The following HOXD13 variants were observed in gnomAD, a reference collection of about 807,000 sequenced individuals.
HOXD13 encodes the protein homeobox D13, also known as homeobox protein Hox-D13.
HOXD13 carries 16 observed loss-of-function variants against 27.3 expected under a neutral mutation model. That is an observed-to-expected ratio of 0.59 (90% CI 0.40 to 0.89). HOXD13 has a LOEUF of 0.89. Among genes scored for constraint, HOXD13 ranks in the 40% least tolerant of loss-of-function variants. The pLI is 0.00. For synonymous variants in HOXD13, 241 were observed against 219.0 expected (o/e 1.10, Z -0.89); for missense variants, 481 against 482.6 (o/e 1.00, Z 0.03).
At position 176,093,141 on chromosome 2, in the gene HOXD13, G is replaced by A. The variant is rs1689351758; in HGVS notation, c.251G>A (p.Gly84Asp). The A allele has an allele frequency of 1.2e-6, 2 of 1,605,638 alleles. No homozygotes were observed. Among genetic ancestry groups the A allele is most frequent in the East Asian group, 4.5e-5 (2 of 44,808 alleles). Reference sequence around the variant, plus strand: ...TACCCCGGGACCTCTGAGCGCACGGGCTCTTCCTCGTCGTCGTCCTCTTCT... The same window carrying A: ...TACCCCGGGACCTCTGAGCGCACGGACTCTTCCTCGTCGTCGTCCTCTTCT... ...FAYPGTSERT[G>D]SSSSSSSSAV... Residue 84 changes from glycine (G) to aspartate (D), a missense_variant, in exon 1 of 2, where the codon GGC becomes GAC. Gly to Asp is a moderately conservative substitution (Grantham distance 94). Transcript: ENST00000392539.
Position 176,092,931 on chromosome 2 carries a change from C to A in HOXD13, c.41C>A (p.Ala14Glu), listed in dbSNP as rs555136684. Residue 14 changes from alanine to glutamate, a missense_variant, in exon 1 of 2, where the codon GCA becomes GAA. Transcript: ENST00000392539. The stretch of plus-strand genomic sequence containing the variant: ...AGCTGGGACATGGACGGGCTGCGGG[C>A]AGACGGCGGGGGCGCCGGTGGCGCC... ...AGSWDMDGLR[A>E]DGGGAGGAPA... 3 of 1,332,590 alleles carry A rather than the reference C, an allele frequency of 2.3e-6. No homozygotes were observed. Among genetic ancestry groups the A allele is most frequent in the Non-Finnish European group, 2.9e-6 (3 of 1,044,750 alleles). 82.5% of individuals were successfully genotyped at this position (1,332,590 alleles called of 1,614,324 possible).
upstream of HOXD13, among the ~76,000 whole-genome samples, chr2:176,091,767 G>T (rs959811684): frequency 3.9e-5 from 6 of 152,130 alleles, no homozygotes; most frequent in Non-Finnish European, 8.8e-5. Flanking sequence ...AATTAATTTG[G>T]TGTGAGAAAC....
upstream of HOXD13, among the ~76,000 whole-genome samples, chr2:176,090,326 G>A (rs967165179): frequency 6.6e-6 from 1 of 152,234 alleles, no homozygotes; most frequent in Non-Finnish European, 1.5e-5. Context: ...GATGGACAGA[G>A]AAAACTTTTG....
chr2:176,092,283 A>G (rs888343098), upstream of HOXD13, among the ~76,000 whole-genome samples: 2 of 152,254 alleles, frequency 1.3e-5, no homozygotes, highest in Non-Finnish European at 2.9e-5. Flanking sequence ...TTTTCACATC[A>G]TTCTGATCAT....
upstream of HOXD13, among the ~76,000 whole-genome samples, chr2:176,092,048 T>A (rs1689327865): frequency 6.6e-6 from 1 of 152,160 alleles, no homozygotes; most frequent in Non-Finnish European, 1.5e-5. Flanking sequence ...ATGCCTGTCT[T>A]TCATCTGTTT....
chr2:176,093,774 C>T, intron 1 of HOXD13, 103 bp downstream of exon 1: 1 of 753,790 alleles, frequency 1.3e-6, no homozygotes, highest in Non-Finnish European at 2.2e-6. Flanking sequence ...GGGAGTTGTG[C>T]CTGTGCTCCA....
rs751640729 is a variant in HOXD13, at chr2:176,094,591, A to G, written c.893A>G (p.Asn298Ser). Reference protein sequence around the residue: ...LKELENEYAINKFINKDKRRR... With the variant: ...LKELENEYAISKFINKDKRRR... Reference sequence around the variant, plus strand: ...GAACTGGAGAACGAGTATGCCATTAACAAATTCATTAACAAGGACAAGCGG... The same window carrying G: ...GAACTGGAGAACGAGTATGCCATTAGCAAATTCATTAACAAGGACAAGCGG... The change falls in exon 2 of 2, where the codon AAC becomes AGC. Residue 298 changes from asparagine to serine, a missense_variant. Physicochemically the swap from Asn to Ser is conservative, Grantham distance 46. Transcript: ENST00000392539. 2 of 1,614,180 alleles carry G rather than the reference A, an allele frequency of 1.2e-6. No individual in the cohort carries two copies. The highest frequency in any genetic ancestry group is 1.7e-6 in the Non-Finnish European group (2 of 1,180,022).
upstream of HOXD13, among the ~76,000 whole-genome samples, chr2:176,089,524 A>T (rs1281872722): frequency 6.6e-6 from 1 of 152,170 alleles, no homozygotes; most frequent in Non-Finnish European, 1.5e-5. Flanking sequence ...GCCACTGATT[A>T]TGTGGTTAAT....
upstream of HOXD13, among the ~76,000 whole-genome samples, chr2:176,088,564 C>A (rs560633989): frequency 1.6e-4 from 25 of 152,074 alleles, no homozygotes; most frequent in East Asian, 7.8e-4. Flanking sequence ...TCGGCTCCCC[C>A]CTTCGTGCTT....
chr2:176,094,957 T>G lies in HOXD13; in HGVS notation c.*227T>G, dbSNP rs1402226581. ...GTTTATTATTGGTTTTGTTCTTGCC[T>G]AGGGTTTTTAAAATATCTGTTTTTA... is the stretch of plus-strand genomic sequence containing the variant. On this transcript the variant is annotated 3_prime_UTR_variant, in exon 2 of 2. Coordinates refer to ENST00000392539, the MANE Select transcript of HOXD13 (RefSeq NM_000523.4). 3.7e-6 allele frequency: 2 copies of G among 547,654 alleles called. No homozygotes were observed. The highest frequency in any genetic ancestry group is 6.5e-6 in the Non-Finnish European group (2 of 305,762). 33.9% of individuals were successfully genotyped at this position (547,654 alleles called of 1,614,324 possible).
In HOXD13 at chr2:176,093,093, C is replaced by CT. The variant is rs771082552; in HGVS notation, c.203_204insT (p.Ala69GlyfsTer13). 7.0e-7 allele frequency: 1 copy of CT among 1,427,834 alleles called. No individual in the cohort carries two copies. The highest frequency in any genetic ancestry group is 1.5e-5 in the African/African-American group (1 of 66,794). 88.4% of individuals were successfully genotyped at this position (1,427,834 alleles called of 1,614,324 possible). ...GCGGCAGCGGCGGCTGCGGCGGCGG[C>CT]GGCGGCAGCCTCCGGCTTTGCGTAC... On this transcript the variant is annotated frameshift_variant, in exon 1 of 2. Coordinates refer to ENST00000392539, the MANE Select transcript of HOXD13 (RefSeq NM_000523.4). LOFTEE classifies it high-confidence loss of function.
chr2:176,088,237 A>G (rs558357288), upstream of HOXD13, among the ~76,000 whole-genome samples: 9 of 152,248 alleles, frequency 5.9e-5, no homozygotes, highest in Middle Eastern at 3.2e-3. Context: ...GTTTCGCTGC[A>G]TAAGGGAAGA....
upstream of HOXD13, among the ~76,000 whole-genome samples, chr2:176,089,196 T>C (rs1559106226): frequency 6.6e-6 from 1 of 151,288 alleles, no homozygotes. Context: ...ACAATAGGTT[T>C]GGTTTGTTGT....
At chr2:176,091,040 C>A (rs1326886118), upstream of HOXD13, among the ~76,000 whole-genome samples, 1 of 152,212 alleles carries the variant, frequency 6.6e-6, no homozygotes. Flanking sequence ...AACTTCAAAA[C>A]GATGAAACGA....
At position 176,092,731 on chromosome 2, in the gene HOXD13, A is replaced by C. The variant is rs1207888527; in HGVS notation, c.-160A>C. ...GCGATGAGCTAACCTGTTGGAGGGC[A>C]GGCGGGCCGGAGGCGGGAGGCTCAC... is the stretch of plus-strand genomic sequence containing the variant. On this transcript the variant is annotated 5_prime_UTR_variant, in exon 1 of 2. Coordinates refer to ENST00000392539, the MANE Select transcript of HOXD13 (RefSeq NM_000523.4). Among the ~76,000 whole-genome samples, 1 of 152,028 alleles carries C rather than the reference A, an allele frequency of 6.6e-6. No individual in the cohort carries two copies. The highest frequency in any genetic ancestry group is 1.5e-5 in the Non-Finnish European group (1 of 67,970).
In HOXD13 at chr2:176,093,186, C is replaced by T. The variant is rs143487752; in HGVS notation, c.296C>T (p.Pro99Leu). The change falls in exon 1 of 2, where the codon CCG (proline) becomes CTG (leucine). Residue 99 changes from proline to leucine, a missense_variant. By Grantham distance (98) the Pro-to-Leu change is moderately conservative. Coordinates refer to ENST00000392539, the MANE Select transcript of HOXD13 (RefSeq NM_000523.4). The stretch of plus-strand genomic sequence containing the variant: ...TCTTCTGCCGTTGTAGCGGCGCGCC[C>T]GGAGGCTCCCCCAGCCAAAGAGTGC... ...SSSSAVVAAR[P>L]EAPPAKECPA... is the part of the protein sequence containing the mutation. 7.3e-5 allele frequency: 117 copies of T among 1,608,792 alleles called. No individual in the cohort carries two copies. Among genetic ancestry groups the T allele is most frequent in the Non-Finnish European group, 7.5e-5 (89 of 1,179,546 alleles).
At position 176,094,525 on chromosome 2, in the gene HOXD13, G is replaced by C; in HGVS notation, c.827G>C (p.Gly276Ala). 1 of 1,614,042 alleles carries C rather than the reference G, an allele frequency of 6.2e-7. No individual in the cohort carries two copies. Among genetic ancestry groups the C allele is most frequent in the Non-Finnish European group, 8.5e-7 (1 of 1,179,950 alleles). The change falls in exon 2 of 2, where the codon GGG becomes GCG. Residue 276 changes from glycine to alanine, a missense_variant. Physicochemically the swap from Gly to Ala is moderately conservative, Grantham distance 60. Transcript: ENST00000392539. ...NQPDMCVYRR[G>A]RKKRVPYTKL... ...CCGGACATGTGCGTCTACCGAAGAG[G>C]GAGGAAGAAGAGAGTGCCTTACACC... is the stretch of plus-strand genomic sequence containing the variant.
chr2:176,089,586 C>T (rs1349576236), upstream of HOXD13, among the ~76,000 whole-genome samples: 1 of 152,216 alleles, frequency 6.6e-6, no homozygotes, highest in Non-Finnish European at 1.5e-5. Context: ...ATCTAAATCA[C>T]AGCCTGTATC....
upstream of HOXD13, among the ~76,000 whole-genome samples, chr2:176,089,709 G>A (rs1001133189): frequency 6.6e-6 from 1 of 152,242 alleles, no homozygotes; most frequent in Admixed American, 6.5e-5. Context: ...GATGCCTCTG[G>A]AAGAAAAGGA....
Sources: allele counts gnomAD v4.1 joint callset (sites outside exome capture counted in the v4.1 genomes callset), GRCh38; gene constraint gnomAD v4.1.1; transcripts MANE v1.5; gene names NCBI Gene and HGNC (gene_info 2026-07-23, HGNC 2026-07-21).